GPD2: variants seen among roughly 807,000 people sequenced by gnomAD.
GPD2 encodes the protein glycerol-3-phosphate dehydrogenase, mitochondrial.
In GPD2, 54 loss-of-function variants were observed where a neutral mutation model predicts 82.4. The observed-to-expected ratio is 0.66, with a 90% confidence interval of 0.53 to 0.82. The LOEUF (loss-of-function observed/expected upper bound fraction) is 0.82, where lower values mean the gene tolerates loss of function less well. GPD2 is among the 40% of genes least tolerant of loss of function. The probability of loss-of-function intolerance (pLI) is 0.00; values close to 1 mark genes in which losing one functional copy is unlikely to be tolerated. For synonymous variants in GPD2, 288 were observed against 306.1 expected (o/e 0.94, Z 0.62); for missense variants, 748 against 896.2 (o/e 0.83, Z 2.11).
chr2:156,570,359 T>A, intron 12 of GPD2, 141 bp downstream of exon 12: 1 of 690,022 alleles, frequency 1.4e-6, no homozygotes. Context: ...GTCTTTCCAA[T>A]ATAGATCCTT....
At chr2:156,539,773 G>A (rs1686234437) in intron 6 of GPD2, among the ~76,000 whole-genome samples, 1 of 151,766 alleles carries the variant, frequency 6.6e-6, no homozygotes, top group African/African-American at 2.4e-5. Flanking sequence ...ATGGTTCTGT[G>A]AAAGTGAAAG....
At chr2:156,453,252 A>G (rs1445599567) in intron 1 of GPD2, among the ~76,000 whole-genome samples, 1 of 152,154 alleles carries the variant, frequency 6.6e-6, no homozygotes, top group Admixed American at 6.5e-5. Flanking sequence ...GAGAGGAGCA[A>G]GGGAGTTAAG....
intron 6 of GPD2, among the ~76,000 whole-genome samples, chr2:156,539,305 C>T (rs1408655285): frequency 6.6e-6 from 1 of 152,174 alleles, no homozygotes; most frequent in Non-Finnish European, 1.5e-5. Context: ...ATGAAACAGA[C>T]TCTGATGAGG....
Position 156,568,928 on chromosome 2 carries a change from T to A in GPD2, c.1269T>A (p.Asp423Glu). 1 of 1,611,706 alleles carries A rather than the reference T, an allele frequency of 6.2e-7. No homozygotes were observed. Among genetic ancestry groups the A allele is most frequent in the Non-Finnish European group, 8.5e-7 (1 of 1,177,964 alleles). The change falls in exon 10 of 17, where the codon GAT becomes GAA. Residue 423 changes from aspartate (D) to glutamate (E), a missense_variant. Transcript: ENST00000438166. ...CTATCTCCCGAAATCATGTTGTTGA[T>A]ATCAGTGAGAGTGGCCTTATTACTA... ...TQSISRNHVV[D>E]ISESGLITIA... is the part of the protein sequence containing the mutation.
chr2:156,451,123 T>C (rs2105155041), intron 1 of GPD2, among the ~76,000 whole-genome samples: 1 of 150,826 alleles, frequency 6.6e-6, no homozygotes, highest in South Asian at 2.1e-4. Context: ...TTTCCCCCCG[T>C]TCTATTCCAC....
chr2:156,451,617 G>T (rs1301297492), intron 1 of GPD2, among the ~76,000 whole-genome samples: 7 of 137,148 alleles, frequency 5.1e-5, no homozygotes, highest in Admixed American at 4.4e-4. Context: ...CGGCAGAGGG[G>T]CTCCTCACTT....
At chr2:156,568,604 T>G (rs949835223) in intron 9 of GPD2, among the ~76,000 whole-genome samples, 15 of 152,114 alleles carry the variant, frequency 9.9e-5, no homozygotes, top group African/African-American at 3.6e-4. Context: ...ATTTCCAAAG[T>G]TCTTTACTTT....
At chr2:156,491,496 A>G (rs1353252904) in intron 2 of GPD2, among the ~76,000 whole-genome samples, 3 of 152,240 alleles carry the variant, frequency 2.0e-5, no homozygotes, top group African/African-American at 7.2e-5. Context: ...TGCTGTGTGT[A>G]GCAGTAGCTT....
intron 6 of GPD2, among the ~76,000 whole-genome samples, chr2:156,526,026 AG>A (rs1685593254): frequency 1.3e-5 from 2 of 152,120 alleles, no homozygotes; most frequent in Non-Finnish European, 2.9e-5. Flanking sequence ...ACCATTTTGT[AG>A]GTGGTAGTAG....
At chr2:156,474,314 G>A (rs545107702) in intron 1 of GPD2, among the ~76,000 whole-genome samples, 1 of 152,168 alleles carries the variant, frequency 6.6e-6, no homozygotes, top group Non-Finnish European at 1.5e-5. Flanking sequence ...TCTTTATTTA[G>A]GATAGTATGA....
intron 1 of GPD2, among the ~76,000 whole-genome samples, chr2:156,455,210 T>A (rs1423657156): frequency 6.6e-6 from 1 of 152,236 alleles, no homozygotes; most frequent in Non-Finnish European, 1.5e-5. Flanking sequence ...TCCAGTCTTC[T>A]GATTTCCTTA....
the GPD2 span, among the ~76,000 whole-genome samples, chr2:156,426,166 G>A: frequency 1.8e-4 from 28 of 152,126 alleles, no homozygotes; most frequent in Non-Finnish European, 3.8e-4. Flanking sequence ...CTCGTGATCC[G>A]CCCGCCTTGG....
At chr2:156,419,207 G>A in the GPD2 span, among the ~76,000 whole-genome samples, 1 of 151,870 alleles carries the variant, frequency 6.6e-6, no homozygotes, top group South Asian at 2.1e-4. Flanking sequence ...TTACAGGCAT[G>A]TGCCACCACG....
In GPD2 at chr2:156,549,663, T is replaced by G. The variant is rs747319202; in HGVS notation, c.717T>G (p.Tyr239Ter). 6.2e-7 allele frequency: 1 copy of G among 1,613,488 alleles called. No individual in the cohort carries two copies. Among genetic ancestry groups the G allele is most frequent in the Non-Finnish European group, 8.5e-7 (1 of 1,179,390 alleles). ...CCATTGCTCTGACTGCTGCCAGGTA[T>G]GGGGCTGCCACAGCCAATTACATGG... ...NLAIALTAARYGAATANYMEV... is the reference protein window; with the variant it reads ...NLAIALTAAR Residue 239 changes from tyrosine to a stop codon, truncating the protein, a stop_gained, in exon 7 of 17, where the codon TAT becomes TAG. Coordinates refer to ENST00000438166, the MANE Select transcript of GPD2 (RefSeq NM_000408.5). LOFTEE classifies it high-confidence loss of function.
intron 1 of GPD2, among the ~76,000 whole-genome samples, chr2:156,466,606 T>C (rs545057705): frequency 6.6e-6 from 1 of 152,338 alleles, no homozygotes; most frequent in South Asian, 2.1e-4. Flanking sequence ...TGCAAACGTG[T>C]ATCCTTGTGT....
At chr2:156,560,837 A>G (rs1177569756) in intron 9 of GPD2, among the ~76,000 whole-genome samples, 2 of 152,162 alleles carry the variant, frequency 1.3e-5, no homozygotes, top group South Asian at 4.1e-4. Flanking sequence ...ATTCAATTAC[A>G]TGCTACTGTT....
intron 6 of GPD2, among the ~76,000 whole-genome samples, chr2:156,538,835 A>T (rs76806977): frequency 6.6e-6 from 1 of 151,504 alleles, no homozygotes; most frequent in East Asian, 1.9e-4. Flanking sequence ...AAAAAAAAAA[A>T]AAAGATCAGG....
chr2:156,521,052 C>T (rs1011207095), intron 6 of GPD2, among the ~76,000 whole-genome samples: 2 of 151,866 alleles, frequency 1.3e-5, no homozygotes, highest in African/African-American at 4.8e-5. Flanking sequence ...ATGTGTCTAC[C>T]AGGGTATATG....
chr2:156,519,749 G>A (rs1312445598), intron 6 of GPD2, among the ~76,000 whole-genome samples: 1 of 152,210 alleles, frequency 6.6e-6, no homozygotes, highest in Non-Finnish European at 1.5e-5. Context: ...ACCTGGCCGG[G>A]TGCTCAAACC....
Sources: allele counts gnomAD v4.1 joint callset (sites outside exome capture counted in the v4.1 genomes callset), GRCh38; gene constraint gnomAD v4.1.1; transcripts MANE v1.5; gene names NCBI Gene and HGNC (gene_info 2026-07-23, HGNC 2026-07-21).